SH3GLB1: variants seen among roughly 807,000 people sequenced by gnomAD.
SH3GLB1 encodes the protein SH3 domain containing GRB2 like, endophilin B1.
SH3GLB1 carries 17 observed loss-of-function variants against 42.0 expected under a neutral mutation model. The observed-to-expected ratio is 0.40, with a 90% CI of 0.28 to 0.61. SH3GLB1 has a LOEUF of 0.61. SH3GLB1 is among the 20% of genes least tolerant of loss of function. SH3GLB1 has a pLI of 0.36. For missense variants in SH3GLB1, 355 were observed against 426.3 expected (o/e 0.83, Z 1.47); for synonymous variants, 132 against 146.6 (o/e 0.90, Z 0.72).
In SH3GLB1 at chr1:86,709,645, A is replaced by G. The variant is rs577609593; in HGVS notation, c.72+4674A>G. ...TTATTGAAGCAAAACCTTGCTCACC[A>G]TCATTAAAATAAGAGCAAAGACTTT... is the stretch of plus-strand genomic sequence containing the variant. On this transcript the variant is annotated intron_variant, in intron 1 of 8. Coordinates refer to ENST00000370558, the MANE Select transcript of SH3GLB1 (RefSeq NM_016009.5). Among the ~76,000 whole-genome samples, 70 of 152,366 alleles carry G rather than the reference A, an allele frequency of 4.6e-4. 1 individual carries two copies. Among genetic ancestry groups the G allele is most frequent in the African/African-American group, 1.5e-3 (64 of 41,592 alleles).
At chr1:86,719,438 G>A in intron 2 of SH3GLB1, 69 bp from the exon 3 acceptor site, 1 of 1,418,562 alleles carries the variant, frequency 7.0e-7, no homozygotes. Context: ...CTGCTGATGG[G>A]GGAAAAAAAC....
chr1:86,732,415 G>T (rs560152712), intron 5 of SH3GLB1, among the ~76,000 whole-genome samples: 122 of 152,182 alleles, frequency 8.0e-4, no homozygotes, highest in African/African-American at 2.8e-3. Flanking sequence ...TTTCTAATGT[G>T]GATCATTTTC....
At chr1:86,735,679 T>C (rs1570290805) in intron 7 of SH3GLB1, among the ~76,000 whole-genome samples, 1 of 152,230 alleles carries the variant, frequency 6.6e-6, no homozygotes, top group East Asian at 1.9e-4. Context: ...CACTCATTCA[T>C]CACGTATTTA....
chr1:86,730,084 C>T (rs1452722618), intron 5 of SH3GLB1: 1 of 1,594,156 alleles, frequency 6.3e-7, no homozygotes. Context: ...TTAATGCTGG[C>T]TAGATTTGGG....
intron 5 of SH3GLB1, among the ~76,000 whole-genome samples, chr1:86,731,235 G>A (rs1188880127): frequency 2.6e-5 from 4 of 152,214 alleles, no homozygotes; most frequent in Admixed American, 2.6e-4. Flanking sequence ...TTATGTTTAG[G>A]CCTACCAAAC....
At chr1:86,719,396 A>G (rs554806434) in intron 2 of SH3GLB1, 111 bp from the exon 3 acceptor site, 1 of 727,844 alleles carries the variant, frequency 1.4e-6, no homozygotes, top group Non-Finnish European at 2.0e-6. Context: ...TATGTGCTTG[A>G]ATGAATGCTA....
intron 7 of SH3GLB1, among the ~76,000 whole-genome samples, chr1:86,738,923 C>A (rs1371870289): frequency 6.6e-6 from 1 of 152,176 alleles, no homozygotes; most frequent in East Asian, 1.9e-4. Flanking sequence ...GGATTATAGG[C>A]GTGAGCCACC....
intron 5 of SH3GLB1, chr1:86,730,165 T>C: frequency 6.4e-7 from 1 of 1,554,722 alleles, no homozygotes; most frequent in East Asian, 2.4e-5. Flanking sequence ...TTGACGTTGA[T>C]TCAGTAAATA....
chr1:86,738,890 C>T (rs1276645835), intron 7 of SH3GLB1, among the ~76,000 whole-genome samples: 3 of 152,134 alleles, frequency 2.0e-5, no homozygotes, highest in South Asian at 2.1e-4. Flanking sequence ...GCTATCTGCC[C>T]GCCTCAGCCT....
chr1:86,741,772 G>GA, intron 7 of SH3GLB1, among the ~76,000 whole-genome samples: 1 of 151,856 alleles, frequency 6.6e-6, no homozygotes, highest in African/African-American at 2.4e-5. Flanking sequence ...ACCAGTTTAT[G>GA]AAAAAAAGGT....
chr1:86,715,005 C>T (rs906067912), intron 1 of SH3GLB1, among the ~76,000 whole-genome samples: 1 of 152,128 alleles, frequency 6.6e-6, no homozygotes, highest in African/African-American at 2.4e-5. Flanking sequence ...TAAAAGATGT[C>T]TTCATAGTAT....
chr1:86,734,370 G>A (rs1655672389), intron 5 of SH3GLB1: 1 of 412,364 alleles, frequency 2.4e-6, no homozygotes. Flanking sequence ...TTAAGCTTTA[G>A]CGTAACAGAT....
intron 5 of SH3GLB1, among the ~76,000 whole-genome samples, chr1:86,728,657 T>C (rs1655336195): frequency 6.6e-6 from 1 of 152,136 alleles, no homozygotes; most frequent in African/African-American, 2.4e-5. Context: ...TAAAAGAAAT[T>C]GTATGTTCTG....
chr1:86,707,708 G>A (rs1435766684), intron 1 of SH3GLB1, among the ~76,000 whole-genome samples: 2 of 148,530 alleles, frequency 1.3e-5, no homozygotes, highest in African/African-American at 5.0e-5. Context: ...GAGTGCAATG[G>A]CGCGATCTCA....
At chr1:86,707,893 G>A (rs920095496) in intron 1 of SH3GLB1, among the ~76,000 whole-genome samples, 1 of 151,924 alleles carries the variant, frequency 6.6e-6, no homozygotes, top group Non-Finnish European at 1.5e-5. Context: ...GGATCCACCT[G>A]CTTCGGCCTC....
chr1:86,704,811 C>T lies in SH3GLB1; in HGVS notation c.-89C>T, dbSNP rs894569736. The T allele has an allele frequency of 1.3e-6, 1 of 786,868 alleles. No individual in the cohort carries two copies. Among genetic ancestry groups the T allele is most frequent in the Non-Finnish European group, 2.0e-6 (1 of 511,824 alleles). 48.7% of individuals were successfully genotyped at this position (786,868 alleles called of 1,614,324 possible). A position where few individuals can be genotyped will look rare whatever the true frequency, so the allele number is the denominator to read the frequency against. On this transcript the variant is annotated 5_prime_UTR_variant, in exon 1 of 9. Coordinates refer to ENST00000370558, the MANE Select transcript of SH3GLB1 (RefSeq NM_016009.5). ...TCCCTCCACCTACCACGTCTGCCCT[C>T]GCCGCTCTAGCCCTGCGCCCCAGCC...
intron 3 of SH3GLB1, 58 bp from the exon 4 acceptor site, chr1:86,722,482 T>C (rs950691635): frequency 2.0e-6 from 3 of 1,478,664 alleles, no homozygotes; most frequent in Non-Finnish European, 2.7e-6. Context: ...TATCTTTACA[T>C]GATTTTATTT....
intron 5 of SH3GLB1, chr1:86,728,415 G>T (rs1163283299): frequency 1.3e-6 from 2 of 1,557,590 alleles, no homozygotes; most frequent in Non-Finnish European, 1.7e-6. Context: ...ACTAAACTCA[G>T]CTCGCCTTGA....
At chr1:86,725,209 G>C (rs74739981) in intron 5 of SH3GLB1, among the ~76,000 whole-genome samples, 1 of 151,374 alleles carries the variant, frequency 6.6e-6, no homozygotes, top group African/African-American at 2.4e-5. Context: ...AATTAGATCA[G>C]TTCCCTTTCC....
Sources: allele counts gnomAD v4.1 joint callset (sites outside exome capture counted in the v4.1 genomes callset), GRCh38; gene constraint gnomAD v4.1.1; transcripts MANE v1.5; gene names NCBI Gene and HGNC (gene_info 2026-07-23, HGNC 2026-07-21).